The following FHIT variants were observed in gnomAD, a reference collection of about 807,000 sequenced individuals.
FHIT encodes bis(5'-adenosyl)-triphosphatase.
In FHIT, 19 loss-of-function variants were observed where a neutral mutation model predicts 17.9. The observed-to-expected ratio is 1.06, with a 90% CI of 0.74 to 1.56. The LOEUF (loss-of-function observed/expected upper bound fraction) is 1.56, where lower values mean the gene tolerates loss of function less well. FHIT is among the 40% of genes most tolerant of loss of function. The probability of loss-of-function intolerance (pLI) is 0.00; values close to 1 mark genes in which losing one functional copy is unlikely to be tolerated. For missense variants in FHIT, 248 were observed against 189.2 expected, an observed-to-expected ratio of 1.31 and a Z score of -1.82; for synonymous variants, 81 against 69.7, an observed-to-expected ratio of 1.16 and a Z score of -0.81.
intron 3 of FHIT, among the ~76,000 whole-genome samples, chr3:60,922,602 T>A (rs531052997): frequency 5.3e-5 from 8 of 152,244 alleles, no homozygotes; most frequent in African/African-American, 1.9e-4. Flanking sequence ...TTTTTGTCTA[T>A]CTGCTCAAAT....
At chr3:60,507,826 C>A (rs2034795319) in intron 5 of FHIT, among the ~76,000 whole-genome samples, 1 of 152,180 alleles carries the variant, frequency 6.6e-6, no homozygotes, top group African/African-American at 2.4e-5. Context: ...CCTCCAGCTC[C>A]ATCCATGTCC....
At chr3:60,634,835 C>A (rs1553683362) in intron 4 of FHIT, among the ~76,000 whole-genome samples, 1 of 152,210 alleles carries the variant, frequency 6.6e-6, no homozygotes, top group African/African-American at 2.4e-5. Context: ...TTTGTTTTAA[C>A]ATGATTTCTT....
chr3:60,537,353 T>C (rs2036021090), intron 4 of FHIT: 1 of 460,704 alleles, frequency 2.2e-6, no homozygotes, highest in Non-Finnish European at 2.9e-6. Context: ...AAGCTGAAAA[T>C]TTTCATTAAG....
chr3:59,803,575 C>A (rs1055303375), intron 8 of FHIT, among the ~76,000 whole-genome samples: 1 of 152,226 alleles, frequency 6.6e-6, no homozygotes, highest in African/African-American at 2.4e-5. Flanking sequence ...GGAAAGATGT[C>A]AGGCTTTTAA....
chr3:60,286,436 C>A (rs923486429), intron 5 of FHIT, among the ~76,000 whole-genome samples: 32 of 152,202 alleles, frequency 2.1e-4, no homozygotes, highest in African/African-American at 7.5e-4. Context: ...TGGAAGTATG[C>A]AAATTTTATT....
chr3:61,241,857 T>G (rs2040380727), intron 1 of FHIT, among the ~76,000 whole-genome samples: 1 of 152,164 alleles, frequency 6.6e-6, no homozygotes, highest in South Asian at 2.1e-4. Flanking sequence ...AAGAAAACAC[T>G]GGCATACAAA....
chr3:59,764,264 A>G (rs1701680856), intron 8 of FHIT, among the ~76,000 whole-genome samples: 1 of 152,200 alleles, frequency 6.6e-6, no homozygotes, highest in Non-Finnish European at 1.5e-5. Context: ...TTCTGAATGC[A>G]TACCATATGT....
chr3:60,125,594 T>C (rs1414760251), intron 5 of FHIT, among the ~76,000 whole-genome samples: 1 of 149,204 alleles, frequency 6.7e-6, no homozygotes, highest in East Asian at 2.0e-4. Flanking sequence ...ATCATGCCAT[T>C]GCGACAGAAC....
At chr3:60,005,323 T>TG (rs201431200) in intron 7 of FHIT, among the ~76,000 whole-genome samples, 45 of 23,814 alleles carry the variant, frequency 1.9e-3, no homozygotes, top group African/African-American at 6.7e-3. Flanking sequence ...CTCAATGATT[T>TG]GTATCTACTT....
At chr3:60,556,997 A>C (rs567733212) in intron 4 of FHIT, among the ~76,000 whole-genome samples, 212 of 152,350 alleles carry the variant, frequency 1.4e-3, no homozygotes, top group African/African-American at 4.8e-3. Context: ...AGGAGAGACC[A>C]TTCCGTTAGA....
chr3:60,359,376 G>T (rs985661693), intron 5 of FHIT, among the ~76,000 whole-genome samples: 18 of 149,802 alleles, frequency 1.2e-4, no homozygotes, highest in African/African-American at 4.0e-4. Context: ...CGCCTCCTGG[G>T]TTCAAGCGAT....
chr3:59,825,740 A>G lies in FHIT; in HGVS notation c.349-73419T>C, dbSNP rs1350858861. On this transcript the variant is annotated intron_variant, in intron 8 of 9. Coordinates refer to ENST00000492590, the MANE Select transcript of FHIT (RefSeq NM_002012.4). ...ACAGGTGTCTTGGGTGGAGAAGGGA[A>G]AAAAGTCAATGGACTGAGATACTAT... Among the ~76,000 whole-genome samples the G allele has an allele frequency of 2.0e-5, 3 of 152,188 alleles. No homozygotes were observed. In the East Asian group the frequency reaches 5.8e-4, roughly 29 times the overall value.
At chr3:61,088,601 T>C (rs2035377355) in intron 2 of FHIT, among the ~76,000 whole-genome samples, 1 of 152,086 alleles carries the variant, frequency 6.6e-6, no homozygotes, top group Admixed American at 6.6e-5. Context: ...GAAACTGTGC[T>C]CCAACAGGAG....
intron 5 of FHIT, among the ~76,000 whole-genome samples, chr3:60,332,287 C>T (rs1710015329): frequency 1.3e-5 from 2 of 152,180 alleles, no homozygotes; most frequent in Non-Finnish European, 2.9e-5. Context: ...AGCCTGGCTG[C>T]AGCATCTGTG....
intron 5 of FHIT, among the ~76,000 whole-genome samples, chr3:60,142,050 C>A (rs995633): frequency 0.72 from 110,060 of 152,072 alleles, 39,976 homozygotes; most frequent in South Asian, 0.8. Context: ...ATAAAAGGTG[C>A]ATCAAGGACA....
At position 60,499,536 on chromosome 3, in the gene FHIT, T is replaced by C. The variant is rs535549789; in HGVS notation, c.103+37324A>G. ...CCTCCCGAGTAGCTGGGACTATAAG[T>C]GCCCGCCACCGCACCCGGCTAATAT... On this transcript the variant is annotated intron_variant, in intron 5 of 9. Coordinates refer to ENST00000492590, the MANE Select transcript of FHIT (RefSeq NM_002012.4). Among the ~76,000 whole-genome samples the C allele has an allele frequency of 4.6e-5, 7 of 152,178 alleles. No individual in the cohort carries two copies. In the East Asian group the frequency reaches 1.4e-3, roughly 29 times the overall value.
intron 3 of FHIT, among the ~76,000 whole-genome samples, chr3:60,859,341 G>A (rs1553750759): frequency 6.6e-6 from 1 of 152,096 alleles, no homozygotes; most frequent in African/African-American, 2.4e-5. Flanking sequence ...AATGTTAGAT[G>A]TTAATGGTAT....
chr3:59,998,950 C>T (rs553572464), intron 7 of FHIT, among the ~76,000 whole-genome samples: 31 of 152,216 alleles, frequency 2.0e-4, no homozygotes, highest in Middle Eastern at 6.8e-3. Context: ...CACAACTTGC[C>T]TCCCTCCGGC....
intron 4 of FHIT, among the ~76,000 whole-genome samples, chr3:60,646,917 CG>C (rs1319010103): frequency 2.6e-5 from 4 of 152,236 alleles, no homozygotes; most frequent in African/African-American, 9.6e-5. Context: ...GCATATAGAG[CG>C]AAACTGCAAT....
Sources: allele counts gnomAD v4.1 joint callset (sites outside exome capture counted in the v4.1 genomes callset), GRCh38; gene constraint gnomAD v4.1.1; transcripts MANE v1.5; gene names NCBI Gene and HGNC (gene_info 2026-07-23, HGNC 2026-07-21).